SLC26A7: variants seen among roughly 807,000 people sequenced by gnomAD.
SLC26A7 encodes the protein solute carrier family 26 member 7, also known as anion exchange transporter.
A neutral mutation model predicts 82.5 loss-of-function variants in SLC26A7; 59 were observed. The observed-to-expected ratio is 0.72, with a 90% CI of 0.58 to 0.89. The LOEUF (loss-of-function observed/expected upper bound fraction) is 0.89. Ranked by LOEUF, SLC26A7 falls within the 40% of genes least tolerant of loss-of-function variation. The pLI is 0.00. For synonymous variants in SLC26A7, 271 were observed against 274.3 expected, an observed-to-expected ratio of 0.99 and a Z score of 0.12; for missense variants, 820 against 793.0, an observed-to-expected ratio of 1.03 and a Z score of -0.41.
At chr8:91,257,489 G>A (rs1810836085) in intron 2 of SLC26A7, among the ~76,000 whole-genome samples, 2 of 151,982 alleles carry the variant, frequency 1.3e-5, no homozygotes, top group Non-Finnish European at 2.9e-5. Flanking sequence ...CAAGAGGAAG[G>A]ACTGCTTTGG....
chr8:91,349,895 C>T (rs1813666374), intron 9 of SLC26A7, among the ~76,000 whole-genome samples: 1 of 152,126 alleles, frequency 6.6e-6, no homozygotes, highest in East Asian at 1.9e-4. Context: ...CTGACTGGAT[C>T]CTGTGAGCTG....
At chr8:91,313,213 A>G (rs1812537694) in intron 4 of SLC26A7, among the ~76,000 whole-genome samples, 1 of 151,994 alleles carries the variant, frequency 6.6e-6, no homozygotes, top group South Asian at 2.1e-4. Flanking sequence ...TGGATATACA[A>G]TTTTCCCTGC....
At chr8:91,392,559 T>C (rs951943452) in intron 16 of SLC26A7, among the ~76,000 whole-genome samples, 1 of 152,234 alleles carries the variant, frequency 6.6e-6, no homozygotes, top group Admixed American at 6.5e-5. Flanking sequence ...TATTATTTCT[T>C]AGTTCCAGCC....
chr8:91,284,551 T>G (rs1191098727), intron 2 of SLC26A7, among the ~76,000 whole-genome samples: 1 of 152,190 alleles, frequency 6.6e-6, no homozygotes, highest in East Asian at 1.9e-4. Flanking sequence ...TGAACAGGCT[T>G]CGTCTCCTAA....
chr8:91,339,575 G>A (rs1813341689), intron 7 of SLC26A7, among the ~76,000 whole-genome samples: 1 of 151,666 alleles, frequency 6.6e-6, no homozygotes, highest in African/African-American at 2.4e-5. Context: ...TTACATACTG[G>A]GTTTTAAAAA....
intron 2 of SLC26A7, chr8:91,219,086 G>A: frequency 3.6e-6 from 2 of 563,368 alleles, no homozygotes; most frequent in Non-Finnish European, 6.0e-6. Flanking sequence ...AAGATACCAT[G>A]CCTGTTCTCT....
intron 2 of SLC26A7, among the ~76,000 whole-genome samples, chr8:91,262,892 T>A (rs61017392): frequency 0.012 from 1,789 of 152,168 alleles, 30 homozygotes; most frequent in African/African-American, 0.041. Context: ...TAATATAAAA[T>A]CAATATTTCA....
At chr8:91,371,901 G>C (rs753446621) in intron 15 of SLC26A7, among the ~76,000 whole-genome samples, 1 of 151,902 alleles carries the variant, frequency 6.6e-6, no homozygotes, top group African/African-American at 2.4e-5. Context: ...ACCAACATCT[G>C]TTAGTTTTTG....
intron 7 of SLC26A7, 138 bp downstream of exon 7, chr8:91,338,370 C>CATGAAGTGTGT: frequency 1.6e-5 from 9 of 548,838 alleles, no homozygotes; most frequent in Non-Finnish European, 2.4e-5. Flanking sequence ...TAGAAATACA[C>CATGAAGTGTGT]ACTTCATGTG....
chr8:91,226,777 G>T (rs1220348220), intron 2 of SLC26A7, among the ~76,000 whole-genome samples: 1 of 152,208 alleles, frequency 6.6e-6, no homozygotes, highest in Non-Finnish European at 1.5e-5. Flanking sequence ...TTTATGGAGG[G>T]CCTGAATCAG....
At chr8:91,239,897 C>T (rs1810451125) in intron 2 of SLC26A7, among the ~76,000 whole-genome samples, 1 of 152,108 alleles carries the variant, frequency 6.6e-6, no homozygotes, top group African/African-American at 2.4e-5. Context: ...GGTATTATTC[C>T]TTTACGTTTT....
intron 18 of SLC26A7, chr8:91,394,710 A>G (rs1808518909): frequency 8.1e-6 from 9 of 1,108,746 alleles, no homozygotes; most frequent in Non-Finnish European, 1.0e-5. Context: ...TAAATCTAAC[A>G]TATATTGAGT....
intron 15 of SLC26A7, among the ~76,000 whole-genome samples, chr8:91,376,489 T>C (rs1435385251): frequency 2.0e-5 from 3 of 152,206 alleles, no homozygotes; most frequent in Non-Finnish European, 4.4e-5. Context: ...AGTTTCTGCA[T>C]GAGTTCCTTG....
chr8:91,238,366 C>T (rs892971917), intron 2 of SLC26A7, among the ~76,000 whole-genome samples: 3 of 152,036 alleles, frequency 2.0e-5, no homozygotes, highest in South Asian at 2.1e-4. Context: ...TGACAGTGCT[C>T]ATGAGAATGG....
intron 15 of SLC26A7, among the ~76,000 whole-genome samples, chr8:91,384,028 C>T (rs1320021942): frequency 6.6e-6 from 1 of 152,140 alleles, no homozygotes; most frequent in East Asian, 1.9e-4. Context: ...CCCAAATAAA[C>T]AATGCAGGTA....
At chr8:91,245,633 C>A (rs561443665), upstream of SLC26A7, among the ~76,000 whole-genome samples, 11 of 152,254 alleles carry the variant, frequency 7.2e-5, no homozygotes, top group Admixed American at 4.6e-4. Flanking sequence ...TTCATTGTAA[C>A]CTCGATATAA....
intron 2 of SLC26A7, among the ~76,000 whole-genome samples, chr8:91,276,145 T>G (rs1262882026): frequency 6.6e-6 from 1 of 152,226 alleles, no homozygotes; most frequent in Non-Finnish European, 1.5e-5. Context: ...TCTGTCACTT[T>G]ATGGCCAAGG....
chr8:91,259,305 C>T (rs184787002), intron 2 of SLC26A7, among the ~76,000 whole-genome samples: 36 of 152,128 alleles, frequency 2.4e-4, no homozygotes, highest in Admixed American at 2.3e-3. Flanking sequence ...TTTGCCATAC[C>T]CTTCCACACT....
chr8:91,367,225 G>T (rs1003267200), intron 14 of SLC26A7, among the ~76,000 whole-genome samples: 2 of 152,126 alleles, frequency 1.3e-5, no homozygotes, highest in Non-Finnish European at 2.9e-5. Context: ...AGCCAGGATG[G>T]TCTCGATTTC....
Sources: allele counts gnomAD v4.1 joint callset (sites outside exome capture counted in the v4.1 genomes callset), GRCh38; gene constraint gnomAD v4.1.1; transcripts MANE v1.5; gene names NCBI Gene and HGNC (gene_info 2026-07-23, HGNC 2026-07-21).